Variants in DZIP1 observed in about 807,000 individuals in gnomAD.
DZIP1 encodes DAZ interacting zinc finger protein 1, also known as cilium assembly protein DZIP1.
Under a neutral mutation model 107.6 loss-of-function variants are expected in DZIP1, and 97 were observed. The ratio of observed to expected loss-of-function variants is 0.90; its 90% CI spans 0.77 to 1.07. The LOEUF (loss-of-function observed/expected upper bound fraction) is 1.07. Among genes scored for constraint, DZIP1 ranks in the 50% least tolerant of loss-of-function variants. The pLI is 0.00. For missense variants in DZIP1, 1,035 were observed against 1,063.6 expected (o/e 0.97, Z 0.37); for synonymous variants, 390 against 386.4 (o/e 1.01, Z -0.11).
chr13:95,593,976 T>A lies in DZIP1; in HGVS notation c.1648A>T (p.Met550Leu). Reference protein sequence around the residue: ...GLRTMVEQNLMEKLETLGINA... With the variant: ...GLRTMVEQNLLEKLETLGINA... ...ATCCCCAAGGTTTCCAGTTTCTCCATCAAGTTCTGCTCCACCATTGTTCTT... is the reference window on the plus strand; with the variant it reads ...ATCCCCAAGGTTTCCAGTTTCTCCAACAAGTTCTGCTCCACCATTGTTCTT... The change falls in exon 16 of 23, where the codon ATG becomes TTG. Residue 550 changes from methionine to leucine, a missense_variant. Met to Leu is a conservative substitution (Grantham distance 15). Transcript: ENST00000376829. 1 of 1,611,056 alleles carries A rather than the reference T, an allele frequency of 6.2e-7. No homozygotes were observed. Among genetic ancestry groups the A allele is most frequent in the South Asian group, 1.1e-5 (1 of 90,238 alleles).
At chr13:95,597,547 T>C (rs1174872112) in intron 15 of DZIP1, among the ~76,000 whole-genome samples, 1 of 152,190 alleles carries the variant, frequency 6.6e-6, no homozygotes, top group Non-Finnish European at 1.5e-5. Context: ...TTAAGCACTA[T>C]TTCTCTTCAA....
Position 95,610,499 on chromosome 13 carries a change from G to A in DZIP1, c.1363+946C>T, listed in dbSNP as rs530593173. Among the ~76,000 whole-genome samples the A allele has an allele frequency of 4.0e-5, 6 of 151,742 alleles. No homozygotes were observed. The South Asian group carries it at 1.2e-3, about 32-fold the overall frequency. On this transcript the variant is annotated intron_variant, in intron 12 of 22. Coordinates refer to ENST00000376829, the MANE Select transcript of DZIP1 (RefSeq NM_198968.4). The stretch of plus-strand genomic sequence containing the variant: ...CTCATTTTTTATTTTTAGAGAAGGG[G>A]GACTCGCTATGTTGCCCAGGCTAGT...
At chr13:95,630,794 G>C in intron 6 of DZIP1, 2 of 1,251,850 alleles carry the variant, frequency 1.6e-6, no homozygotes, top group Non-Finnish European at 2.1e-6. Context: ...AAAGTAGAAA[G>C]TCAGAATCTC....
intron 10 of DZIP1, chr13:95,618,013 C>T (rs2139206926): frequency 7.7e-6 from 4 of 519,042 alleles, no homozygotes; most frequent in Non-Finnish European, 3.8e-6. Flanking sequence ...AGGCATGTCG[C>T]ACTTGAGAAG....
chr13:95,579,731 T>A lies in DZIP1; in HGVS notation c.*2503A>T, dbSNP rs1428117727. 1 of 151,982 alleles carries A rather than the reference T, an allele frequency of 6.6e-6. No individual in the cohort carries two copies. Among genetic ancestry groups the A allele is most frequent in the Non-Finnish European group, 1.5e-5 (1 of 67,968 alleles). The allele number at this position is 151,982 out of a possible 1,614,324, so 9.4% of individuals were successfully genotyped here. ...GGAAATGAACAAGTTTGTTAAAAGA[T>A]AAAAAATAAAAAAAATTCCATACCT... On this transcript the variant is annotated 3_prime_UTR_variant, in exon 23 of 23. Coordinates refer to ENST00000376829, the MANE Select transcript of DZIP1 (RefSeq NM_198968.4).
At chr13:95,612,313 C>A (rs1412855680) in intron 10 of DZIP1, 136 bp from the exon 11 acceptor site, 4 of 1,006,010 alleles carry the variant, frequency 4.0e-6, no homozygotes, top group African/African-American at 1.6e-5. Context: ...TTGAATAAAT[C>A]TTTGATCATG....
intron 8 of DZIP1, among the ~76,000 whole-genome samples, chr13:95,623,265 A>G (rs773485772): frequency 3.9e-5 from 6 of 152,228 alleles, no homozygotes; most frequent in South Asian, 2.1e-4. Context: ...AGAAGGTAAC[A>G]CATTAACTTC....
chr13:95,614,525 T>C lies in DZIP1; in HGVS notation c.1174-2348A>G, dbSNP rs78360172. Among the ~76,000 whole-genome samples, 551 of 152,190 alleles carry C rather than the reference T, an allele frequency of 3.6e-3. 2 individuals carry two copies. The highest frequency in any genetic ancestry group is 0.013 in the African/African-American group (527 of 41,502). ...ATGTGGGAATATCTAAGGGATAACA[T>C]CATTCTTAATAGAAGAGTTAAGAAT... On this transcript the variant is annotated intron_variant, in intron 10 of 22. Coordinates refer to ENST00000376829, the MANE Select transcript of DZIP1 (RefSeq NM_198968.4).
At chr13:95,639,134 A>G (rs553746305) in intron 5 of DZIP1, among the ~76,000 whole-genome samples, 47 of 152,344 alleles carry the variant, frequency 3.1e-4, no homozygotes, top group Middle Eastern at 3.4e-3. Flanking sequence ...AACAACTGCT[A>G]TATGGTAGGT....
chr13:95,599,738 A>G (rs938093127), intron 14 of DZIP1, among the ~76,000 whole-genome samples: 3 of 152,218 alleles, frequency 2.0e-5, no homozygotes, highest in African/African-American at 4.8e-5. Context: ...ACTGCAAAAG[A>G]TCTTCATTAC....
rs1369915066 is a variant in DZIP1, at chr13:95,594,022, GT to G, written c.1601del (p.Asn534ThrfsTer8). ...TTCTTAGTCCCTTAGTGAGGGAGGAGTTACTCTTCAAAGCTTTCCTTAAATG... is the reference window on the plus strand; with the variant it reads ...TTCTTAGTCCCTTAGTGAGGGAGGAGTACTCTTCAAAGCTTTCCTTAAATG... Reference protein sequence around the residue: ...KMHLRKALKSNSSLTKGLRTM... With the variant: ...KMHLRKALKSXSSLTKGLRTM... On this transcript the variant is annotated frameshift_variant, in exon 16 of 23. Transcript: ENST00000376829. LOFTEE classifies it high-confidence loss of function. The G allele has an allele frequency of 6.2e-7, 1 of 1,610,978 alleles. No individual in the cohort carries two copies. The highest frequency in any genetic ancestry group is 1.3e-5 in the African/African-American group (1 of 74,704).
Position 95,589,055 on chromosome 13 carries a change from G to T in DZIP1, c.2027+99C>A, listed in dbSNP as rs191019669. On this transcript the variant is annotated intron_variant, in intron 19 of 22. Transcript: ENST00000376829. ...ACAAATTATGATATTAAATAATTAC[G>T]GCTTCATTCAACCATAATGAGCACG... 25 of 911,056 alleles carry T rather than the reference G, an allele frequency of 2.7e-5. No homozygotes were observed. The East Asian group carries it at 5.3e-4, about 19-fold the overall frequency. 56.4% of individuals were successfully genotyped at this position (911,056 alleles called of 1,614,324 possible).
intron 16 of DZIP1, among the ~76,000 whole-genome samples, chr13:95,592,137 C>T (rs1222867364): frequency 6.6e-6 from 1 of 152,070 alleles, no homozygotes; most frequent in Non-Finnish European, 1.5e-5. Flanking sequence ...GACACCTGAT[C>T]CAACTGGAAA....
chr13:95,632,740 CCAT>C (rs144029197), intron 6 of DZIP1, among the ~76,000 whole-genome samples: 303 of 152,262 alleles, frequency 2.0e-3, no homozygotes, highest in African/African-American at 6.8e-3. Context: ...TCACCACACA[CCAT>C]CACCTCACCT....
At chr13:95,596,135 T>C (rs2044450647) in intron 15 of DZIP1, among the ~76,000 whole-genome samples, 1 of 152,096 alleles carries the variant, frequency 6.6e-6, no homozygotes, top group Non-Finnish European at 1.5e-5. Flanking sequence ...AGAGAAAGAA[T>C]GTAGAGTAAG....
At chr13:95,596,193 A>G (rs2044452962) in intron 15 of DZIP1, among the ~76,000 whole-genome samples, 2 of 152,176 alleles carry the variant, frequency 1.3e-5, no homozygotes, top group Admixed American at 1.3e-4. Flanking sequence ...ATCACTTGAA[A>G]ATCAATCACA....
chr13:95,605,932 T>G (rs547002593), intron 14 of DZIP1, 71 bp downstream of exon 14: 1 of 1,466,868 alleles, frequency 6.8e-7, no homozygotes, highest in East Asian at 2.3e-5. Flanking sequence ...CATAATCACT[T>G]TTGGTTAATA....
chr13:95,625,602 A>G (rs1876437933), intron 7 of DZIP1, among the ~76,000 whole-genome samples: 1 of 152,212 alleles, frequency 6.6e-6, no homozygotes, highest in African/African-American at 2.4e-5. Context: ...TCTGATCACA[A>G]TAGAATTAAG....
intron 15 of DZIP1, among the ~76,000 whole-genome samples, chr13:95,595,347 T>C (rs1298350505): frequency 6.9e-6 from 1 of 145,534 alleles, no homozygotes; most frequent in Non-Finnish European, 1.5e-5. Flanking sequence ...GCAAAATTAG[T>C]CAAATTACTT....
Sources: gnomAD v4.1 joint callset for allele counts (sites outside exome capture counted in the v4.1 genomes callset) on GRCh38, gnomAD v4.1.1 for gene constraint, MANE v1.5 for transcripts, NCBI Gene and HGNC (gene_info 2026-07-23, HGNC 2026-07-21) for gene names.